Variants in ASTN2 observed in about 807,000 individuals in gnomAD.
ASTN2 encodes astrotactin 2.
A neutral mutation model predicts 139.8 loss-of-function variants in ASTN2; 54 were observed. The observed-to-expected ratio is 0.39, with a 90% confidence interval of 0.31 to 0.48. The LOEUF is 0.48. ASTN2 is among the 20% of genes least tolerant of loss of function. The pLI, the probability that ASTN2 is intolerant of heterozygous loss-of-function variation, is 0.95. For missense variants in ASTN2, 1,565 were observed against 1,725.1 expected (o/e 0.91, Z 1.64); for synonymous variants, 756 against 719.5 (o/e 1.05, Z -0.81).
At chr9:116,739,482 CCCTCCCTCTGG>C (rs1829039383) in intron 13 of ASTN2, among the ~76,000 whole-genome samples, 1 of 34,510 alleles carries the variant, frequency 2.9e-5, no homozygotes, top group Non-Finnish European at 9.8e-5. Flanking sequence ...CTGGAATTTG[CCCTCCCTCTGG>C]AATTTGCCCT....
At chr9:116,857,474 T>C (rs1279284137) in intron 11 of ASTN2, among the ~76,000 whole-genome samples, 1 of 152,180 alleles carries the variant, frequency 6.6e-6, no homozygotes, top group African/African-American at 2.4e-5. Flanking sequence ...ACTCTTGTGG[T>C]GTTTTGCTCC....
At chr9:117,130,339 T>C (rs906867535) in intron 4 of ASTN2, among the ~76,000 whole-genome samples, 21 of 152,102 alleles carry the variant, frequency 1.4e-4, no homozygotes, top group African/African-American at 1.2e-4. Context: ...ATAAAAACTA[T>C]CACTGAATCT....
intron 16 of ASTN2, among the ~76,000 whole-genome samples, chr9:116,707,099 G>A (rs988656019): frequency 2.6e-5 from 4 of 151,598 alleles, no homozygotes; most frequent in African/African-American, 9.7e-5. Flanking sequence ...TGCCCTCATT[G>A]TATGGCGTAC....
chr9:117,087,959 C>T (rs975496797), intron 5 of ASTN2, among the ~76,000 whole-genome samples: 1 of 152,168 alleles, frequency 6.6e-6, no homozygotes, highest in Non-Finnish European at 1.5e-5. Flanking sequence ...CAAAGAATGC[C>T]TATCTATCTT....
At chr9:117,380,416 C>A (rs138220737) in intron 1 of ASTN2, among the ~76,000 whole-genome samples, 1 of 152,044 alleles carries the variant, frequency 6.6e-6, no homozygotes, top group African/African-American at 2.4e-5. Context: ...ACCATCCTGG[C>A]CGACATGGTG....
chr9:117,186,853 G>A (rs756254466), intron 3 of ASTN2, among the ~76,000 whole-genome samples: 17 of 152,320 alleles, frequency 1.1e-4, no homozygotes, highest in Non-Finnish European at 2.4e-4. Flanking sequence ...AAAGAAGGCC[G>A]GGCGAAGTGG....
intron 19 of ASTN2, among the ~76,000 whole-genome samples, chr9:116,607,320 G>C (rs1855257769): frequency 6.6e-6 from 1 of 152,188 alleles, no homozygotes; most frequent in African/African-American, 2.4e-5. Context: ...TCATCATCTT[G>C]TATCTTTAAA....
chr9:117,284,536 C>T (rs1204592706), intron 2 of ASTN2, among the ~76,000 whole-genome samples: 1 of 152,228 alleles, frequency 6.6e-6, no homozygotes, highest in Non-Finnish European at 1.5e-5. Flanking sequence ...AAGCCTGGAG[C>T]AGATCTTTCC....
Position 117,060,930 on chromosome 9 carries a change from A to G in ASTN2, c.1277-20965T>C, listed in dbSNP as rs545748688. On this transcript the variant is annotated intron_variant, in intron 5 of 22. Transcript: ENST00000313400. Reference sequence around the variant, plus strand: ...AAAAGAAAAGAAAAAAAAGAAAGAAAAAATAAAGTAGACACGATAGAATTT... The same window carrying G: ...AAAAGAAAAGAAAAAAAAGAAAGAAGAAATAAAGTAGACACGATAGAATTT... 7.9e-5 allele frequency among the ~76,000 whole-genome samples: 12 copies of G among 152,152 alleles called. No homozygotes were observed. In the East Asian group the frequency reaches 2.1e-3, roughly 27 times the overall value.
rs745782417 is a variant in ASTN2, at chr9:117,141,486, G to A, written c.1016-8C>T. On this transcript the variant is annotated splice_region_variant and splice_polypyrimidine_tract_variant and intron_variant, in intron 3 of 22. Coordinates refer to ENST00000313400, the MANE Select transcript of ASTN2 (RefSeq NM_001365068.1). ...GAGTCGCCTCAGCTGCTGCTATAAG[G>A]TAGCAATGGGGCTGAGGTTAGGGCT... The A allele has an allele frequency of 7.3e-7, 1 of 1,366,222 alleles. No individual in the cohort carries two copies. The highest frequency in any genetic ancestry group is 4.6e-5 in the East Asian group (1 of 21,906). 84.6% of individuals were successfully genotyped at this position (1,366,222 alleles called of 1,614,324 possible).
intron 10 of ASTN2, among the ~76,000 whole-genome samples, chr9:116,917,209 T>C (rs1414450940): frequency 6.6e-6 from 1 of 152,186 alleles, no homozygotes. Context: ...AAAAAAGCTG[T>C]CCAACCCTCT....
chr9:117,403,889 G>A (rs1830909013), intron 1 of ASTN2, among the ~76,000 whole-genome samples: 1 of 152,106 alleles, frequency 6.6e-6, no homozygotes, highest in Non-Finnish European at 1.5e-5. Context: ...GACATCAATG[G>A]TCAATTTCAT....
At chr9:116,862,669 T>G (rs1425626991) in intron 11 of ASTN2, among the ~76,000 whole-genome samples, 3 of 147,974 alleles carry the variant, frequency 2.0e-5, no homozygotes, top group Admixed American at 6.7e-5. Flanking sequence ...TAGTGTAGAT[T>G]GAAATGAAGC....
At chr9:117,235,887 A>T (rs1402592173) in intron 2 of ASTN2, among the ~76,000 whole-genome samples, 3 of 152,228 alleles carry the variant, frequency 2.0e-5, no homozygotes, top group Non-Finnish European at 2.9e-5. Context: ...CCTGTGAAAC[A>T]GGGAGAAAAC....
intron 5 of ASTN2, among the ~76,000 whole-genome samples, chr9:117,045,995 T>TGTAC (rs1564399859): frequency 8.1e-6 from 1 of 122,760 alleles, no homozygotes; most frequent in African/African-American, 3.4e-5. Flanking sequence ...TACGTACGTA[T>TGTAC]GTATGTATGT....
At chr9:116,602,262 C>T (rs967811727) in intron 19 of ASTN2, among the ~76,000 whole-genome samples, 1 of 152,046 alleles carries the variant, frequency 6.6e-6, no homozygotes, top group African/African-American at 2.4e-5. Context: ...GCTATACTTT[C>T]AAAGGTGTGT....
At chr9:117,093,693 T>TA (rs1414954208) in intron 5 of ASTN2, among the ~76,000 whole-genome samples, 4 of 152,154 alleles carry the variant, frequency 2.6e-5, no homozygotes, top group African/African-American at 9.7e-5. Context: ...ACTGAGACAT[T>TA]GGGTTCTAAG....
chr9:117,281,050 T>C (rs1834312298), intron 2 of ASTN2, among the ~76,000 whole-genome samples: 1 of 152,200 alleles, frequency 6.6e-6, no homozygotes, highest in South Asian at 2.1e-4. Flanking sequence ...CAATTATTTA[T>C]ATCAGTATTT....
chr9:117,254,490 G>T (rs1010769330), intron 2 of ASTN2, among the ~76,000 whole-genome samples: 5 of 152,148 alleles, frequency 3.3e-5, no homozygotes, highest in African/African-American at 1.2e-4. Context: ...GTGAGACCCA[G>T]GGTTAGACAA....
Sources: gnomAD v4.1 joint callset for allele counts (sites outside exome capture counted in the v4.1 genomes callset) on GRCh38, gnomAD v4.1.1 for gene constraint, MANE v1.5 for transcripts, NCBI Gene and HGNC (gene_info 2026-07-23, HGNC 2026-07-21) for gene names.